Variants in CHKA observed in about 807,000 individuals in gnomAD.
CHKA encodes CHETK-alpha.
Under a neutral mutation model 60.1 loss-of-function variants are expected in CHKA, and 34 were observed. The ratio of observed to expected loss-of-function variants is 0.57; its 90% CI spans 0.43 to 0.75. The LOEUF (loss-of-function observed/expected upper bound fraction) is 0.75, where lower values mean the gene tolerates loss of function less well. Among genes scored for constraint, CHKA ranks in the 30% least tolerant of loss-of-function variants. The probability of loss-of-function intolerance (pLI) is 0.00; values close to 1 mark genes in which losing one functional copy is unlikely to be tolerated. For synonymous variants in CHKA, 217 were observed against 223.1 expected (o/e 0.97, Z 0.24); for missense variants, 563 against 561.3 (o/e 1.00, Z -0.03).
At chr11:68,082,068 T>C (rs1478771487) in intron 2 of CHKA, 2 of 152,200 alleles carry the variant, frequency 1.3e-5, no homozygotes, top group African/African-American at 4.8e-5. Context: ...GTGTATTTAA[T>C]AAAGTCTCTA....
intron 2 of CHKA, among the ~76,000 whole-genome samples, chr11:68,094,592 A>G (rs1285563200): frequency 6.6e-6 from 1 of 152,246 alleles, no homozygotes; most frequent in African/African-American, 2.4e-5. Context: ...GAAAGATTTC[A>G]AAAACTATAC....
chr11:68,066,097 T>A (rs1039086034), intron 8 of CHKA, among the ~76,000 whole-genome samples: 1 of 152,198 alleles, frequency 6.6e-6, no homozygotes, highest in Non-Finnish European at 1.5e-5. Context: ...ACTAAAGCTA[T>A]ACAGGTGCAC....
chr11:68,092,092 T>C (rs993001327), intron 2 of CHKA, among the ~76,000 whole-genome samples: 1 of 152,188 alleles, frequency 6.6e-6, no homozygotes. Flanking sequence ...ACCAGTTATA[T>C]TGTATAAGTA....
chr11:68,083,686 G>C (rs1485531831), intron 2 of CHKA, among the ~76,000 whole-genome samples: 2 of 152,052 alleles, frequency 1.3e-5, no homozygotes, highest in Non-Finnish European at 2.9e-5. Flanking sequence ...GGCACTATAA[G>C]TGGTAGTAAA....
intron 1 of CHKA, among the ~76,000 whole-genome samples, chr11:68,120,229 CAAA>C (rs148814034): frequency 1.1e-4 from 13 of 116,340 alleles, no homozygotes; most frequent in Non-Finnish European, 7.3e-5. Flanking sequence ...AACTCCGTCT[CAAA>C]AAAAAAAAAA....
Position 68,053,071 on chromosome 11 carries a change from G to A in CHKA, c.*917C>T, listed in dbSNP as rs1855855043. The A allele has an allele frequency of 6.6e-6, 1 of 152,518 alleles. No individual in the cohort carries two copies. The highest frequency in any genetic ancestry group is 2.4e-5 in the African/African-American group (1 of 41,416). The allele number at this position is 152,518 out of a possible 1,614,324, so 9.4% of individuals were successfully genotyped here. On this transcript the variant is annotated 3_prime_UTR_variant, in exon 12 of 12. Transcript: ENST00000265689. The stretch of plus-strand genomic sequence containing the variant: ...GTCTCCCACAAGAATGATGATGTCA[G>A]GGGCATCAGGAAAGGTAAGGGCCGG...
chr11:68,060,897 A>AGAAATCATTGTAGTATAAGACT (rs1279167087), intron 11 of CHKA, among the ~76,000 whole-genome samples: 1 of 152,108 alleles, frequency 6.6e-6, no homozygotes, highest in Admixed American at 6.5e-5. Context: ...GCCTAGAAGT[A>AGAAATCATTGTAGTATAAGACT]GAAATCATTG....
chr11:68,070,194 G>A lies in CHKA; in HGVS notation c.864C>T (p.Asn288=), dbSNP rs756165115. The A allele has an allele frequency of 1.2e-6, 2 of 1,609,984 alleles. No individual in the cohort carries two copies. Among genetic ancestry groups the A allele is most frequent in the Non-Finnish European group, 8.5e-7 (1 of 1,176,634 alleles). ...GAAATAGAAGGAAAACTCACCTCAG[G>A]TTTTCCAGTTCCAAGGGCAGATTGT... ...LSYNLPLELE[N]LRSLLESTPS... is the part of the protein sequence containing the mutation. The change falls in exon 6 of 12, where the codon AAC becomes AAT. Residue 288 remains asparagine, a synonymous_variant. Coordinates refer to ENST00000265689, the MANE Select transcript of CHKA (RefSeq NM_001277.3).
intron 2 of CHKA, among the ~76,000 whole-genome samples, chr11:68,084,062 T>G (rs1164808195): frequency 6.6e-6 from 1 of 151,474 alleles, no homozygotes; most frequent in Non-Finnish European, 1.5e-5. Context: ...CTGGCCAACA[T>G]GGTGAAACTC....
chr11:68,058,072 T>C (rs1034210688), intron 11 of CHKA, among the ~76,000 whole-genome samples: 1 of 152,190 alleles, frequency 6.6e-6, no homozygotes, highest in Non-Finnish European at 1.5e-5. Context: ...TTCGTATTTT[T>C]TGTAGAGATG....
Position 68,053,952 on chromosome 11 carries a change from A to G in CHKA, c.*36T>C, listed in dbSNP as rs1565168368. Reference sequence around the variant, plus strand: ...ACCCCGCTCTGCTGCCTCCCCATGCAGTCCAGTGATGAGGTGGATGGAGTC... The same window carrying G: ...ACCCCGCTCTGCTGCCTCCCCATGCGGTCCAGTGATGAGGTGGATGGAGTC... On this transcript the variant is annotated 3_prime_UTR_variant, in exon 12 of 12. Transcript: ENST00000265689. 2 of 1,592,242 alleles carry G rather than the reference A, an allele frequency of 1.3e-6. No homozygotes were observed. The highest frequency in any genetic ancestry group is 8.6e-7 in the Non-Finnish European group (1 of 1,161,522).
Position 68,121,371 on chromosome 11 carries a change from C to CA in CHKA, c.-195_-194insT. ...TGTGGAGCGGGGATGTGCTGCTGGCCGCTGCACTCGCTCCTCTGCCGCCGC... is the reference window on the plus strand; with the variant it reads ...TGTGGAGCGGGGATGTGCTGCTGGCCAGCTGCACTCGCTCCTCTGCCGCCGC... On this transcript the variant is annotated 5_prime_UTR_variant, in exon 1 of 12. Transcript: ENST00000265689. 5.1e-6 allele frequency: 1 copy of CA among 197,878 alleles called. No homozygotes were observed. Among genetic ancestry groups the CA allele is most frequent in the Non-Finnish European group, 9.3e-6 (1 of 107,202 alleles). 12.3% of individuals were successfully genotyped at this position (197,878 alleles called of 1,614,324 possible).
At chr11:68,119,877 TA>T (rs1241744403) in intron 1 of CHKA, among the ~76,000 whole-genome samples, 1 of 152,170 alleles carries the variant, frequency 6.6e-6, no homozygotes, top group Non-Finnish European at 1.5e-5. Context: ...TAAGTCTGAA[TA>T]CCTACACGCG....
chr11:68,094,918 A>T (rs1227522858), intron 2 of CHKA, among the ~76,000 whole-genome samples: 5 of 152,144 alleles, frequency 3.3e-5, no homozygotes, highest in African/African-American at 4.8e-5. Context: ...CATTATGACA[A>T]TTTTTTTAAT....
intron 2 of CHKA, among the ~76,000 whole-genome samples, chr11:68,085,922 C>A (rs575188895): frequency 6.6e-6 from 1 of 152,198 alleles, no homozygotes; most frequent in South Asian, 2.1e-4. Flanking sequence ...TGCCACCACG[C>A]CCGGCTATTT....
chr11:68,110,949 G>C (rs940686015), intron 1 of CHKA, among the ~76,000 whole-genome samples: 18 of 149,702 alleles, frequency 1.2e-4, no homozygotes, highest in African/African-American at 3.9e-4. Flanking sequence ...AGTGAGCTGG[G>C]ATCACGCCAC....
chr11:68,115,414 T>C (rs1256423227), intron 1 of CHKA, among the ~76,000 whole-genome samples: 1 of 152,192 alleles, frequency 6.6e-6, no homozygotes, highest in African/African-American at 2.4e-5. Flanking sequence ...TATGTCAATG[T>C]AGGTTCCTCA....
chr11:68,081,399 C>T lies in CHKA; in HGVS notation c.516+5G>A. 1 of 1,612,144 alleles carries T rather than the reference C, an allele frequency of 6.2e-7. No homozygotes were observed. The highest frequency in any genetic ancestry group is 8.5e-7 in the Non-Finnish European group (1 of 1,178,258). ...ACACAGATGCAGAAAGACTGAATTA[C>T]TTACTTGAAATTCATTTTCTTTCTG... On this transcript the variant is annotated splice_donor_5th_base_variant and intron_variant, in intron 3 of 11. Coordinates refer to ENST00000265689, the MANE Select transcript of CHKA (RefSeq NM_001277.3).
intron 2 of CHKA, among the ~76,000 whole-genome samples, chr11:68,095,130 C>T (rs1212690985): frequency 2.0e-5 from 3 of 152,042 alleles, no homozygotes; most frequent in Admixed American, 6.6e-5. Flanking sequence ...CAGGGCCAGG[C>T]GCGGTGGCTC....
Sources: gnomAD v4.1 joint callset for allele counts (sites outside exome capture counted in the v4.1 genomes callset) on GRCh38, gnomAD v4.1.1 for gene constraint, MANE v1.5 for transcripts, NCBI Gene and HGNC (gene_info 2026-07-23, HGNC 2026-07-21) for gene names.